Variants in TRPC4AP observed in about 807,000 individuals in gnomAD.
TRPC4AP encodes the protein short transient receptor potential channel 4-associated protein.
Under a neutral mutation model 99.0 loss-of-function variants are expected in TRPC4AP, and 45 were observed. That is an observed-to-expected ratio of 0.45 (90% CI 0.36 to 0.58). The LOEUF (loss-of-function observed/expected upper bound fraction) is 0.58. TRPC4AP is among the 20% of genes least tolerant of loss of function. The probability of loss-of-function intolerance (pLI) is 0.00; values close to 1 mark genes in which losing one functional copy is unlikely to be tolerated. For synonymous variants in TRPC4AP, 408 were observed against 385.8 expected (o/e 1.06, Z -0.67); for missense variants, 879 against 985.3 (o/e 0.89, Z 1.44).
At chr20:35,055,892 C>A (rs760415510) in intron 4 of TRPC4AP, among the ~76,000 whole-genome samples, 2 of 152,148 alleles carry the variant, frequency 1.3e-5, no homozygotes, top group African/African-American at 2.4e-5. Flanking sequence ...AGGAAAGTAG[C>A]ATAAAAACGA....
At chr20:35,062,860 A>G (rs2084042438) in intron 3 of TRPC4AP, among the ~76,000 whole-genome samples, 1 of 152,244 alleles carries the variant, frequency 6.6e-6, no homozygotes. Context: ...GACATGAATT[A>G]TATCTCAATA....
intron 1 of TRPC4AP, among the ~76,000 whole-genome samples, chr20:35,084,512 GTATA>G (rs144489126): frequency 2.1e-5 from 3 of 145,866 alleles, no homozygotes; most frequent in African/African-American, 5.2e-5. Flanking sequence ...ATGTATATAC[GTATA>G]TATGTGTATA....
chr20:35,069,180 G>C (rs2084238473), intron 3 of TRPC4AP, 116 bp downstream of exon 3: 1 of 663,596 alleles, frequency 1.5e-6, no homozygotes, highest in South Asian at 2.2e-5. Context: ...GCTTCTAAAA[G>C]TTAAAATCTG....
rs766465723 is a variant in TRPC4AP at position 35,054,987 on chromosome 20, T to C, written c.517A>G (p.Thr173Ala). The C allele has an allele frequency of 6.2e-7, 1 of 1,613,638 alleles. No homozygotes were observed. Among genetic ancestry groups the C allele is most frequent in the South Asian group, 1.1e-5 (1 of 91,014 alleles). The change falls in exon 5 of 19, where the codon ACC becomes GCC. Residue 173 changes from threonine (T) to alanine (A), a missense_variant. Physicochemically the swap from Thr to Ala is moderately conservative, Grantham distance 58. Transcript: ENST00000252015. The part of the protein sequence containing the change: ...SKDCLSILYN[T>A]CVCTEGVTKR... ...GCAGGGGTACTTACACAGACACAGG[T>C]ATTATACAGGATACTCAAGCAGTCC...
intron 8 of TRPC4AP, among the ~76,000 whole-genome samples, chr20:35,023,891 C>T (rs1344910281): frequency 2.6e-5 from 4 of 152,244 alleles, no homozygotes; most frequent in Non-Finnish European, 5.9e-5. Flanking sequence ...AAGTCACCAC[C>T]AACTTTTGGT....
chr20:35,020,591 G>A (rs1184168670), intron 9 of TRPC4AP, among the ~76,000 whole-genome samples: 3 of 152,152 alleles, frequency 2.0e-5, no homozygotes, highest in African/African-American at 7.2e-5. Flanking sequence ...GGACTGCTGA[G>A]CCTCCAGCCT....
intron 7 of TRPC4AP, among the ~76,000 whole-genome samples, chr20:35,035,524 C>T (rs899987598): frequency 6.6e-6 from 1 of 152,158 alleles, no homozygotes; most frequent in Admixed American, 6.5e-5. Context: ...GGCTTTTTAT[C>T]TACTGGGAAT....
chr20:35,041,096 C>G (rs2083436611), intron 7 of TRPC4AP, among the ~76,000 whole-genome samples: 1 of 151,044 alleles, frequency 6.6e-6, no homozygotes, highest in Non-Finnish European at 1.5e-5. Context: ...ATCCTGACAG[C>G]ACCTTGATCT....
At chr20:35,049,505 G>A (rs1037994389) in intron 6 of TRPC4AP, among the ~76,000 whole-genome samples, 4 of 152,034 alleles carry the variant, frequency 2.6e-5, no homozygotes, top group African/African-American at 9.7e-5. Context: ...GTAAGAGAAT[G>A]GAGTCACTGC....
intron 1 of TRPC4AP, among the ~76,000 whole-genome samples, chr20:35,086,511 GTGTGTGTGTATATA>G (rs2084871234): frequency 2.6e-5 from 1 of 38,232 alleles, no homozygotes; most frequent in African/African-American, 7.0e-5. Context: ...ATATATATGT[GTGTGTGTGTATATA>G]TGTGTGTGTG....
At chr20:35,072,591 T>G (rs901841145) in intron 2 of TRPC4AP, among the ~76,000 whole-genome samples, 4 of 152,224 alleles carry the variant, frequency 2.6e-5, no homozygotes, top group Non-Finnish European at 5.9e-5. Context: ...CGGACAGTTG[T>G]AGATATGCGG....
chr20:35,058,852 C>T (rs776523161), intron 3 of TRPC4AP, among the ~76,000 whole-genome samples: 4 of 151,956 alleles, frequency 2.6e-5, no homozygotes, highest in Non-Finnish European at 5.9e-5. Context: ...CCACTCCTGG[C>T]TACTTTGTGT....
chr20:35,031,022 T>C (rs1211979888), intron 8 of TRPC4AP, among the ~76,000 whole-genome samples: 1 of 152,194 alleles, frequency 6.6e-6, no homozygotes, highest in East Asian at 1.9e-4. Context: ...TCTAAGAATG[T>C]TTTTATTTCA....
intron 6 of TRPC4AP, among the ~76,000 whole-genome samples, chr20:35,048,718 G>A (rs2083619710): frequency 6.6e-6 from 1 of 152,198 alleles, no homozygotes; most frequent in Admixed American, 6.5e-5. Context: ...GGGAGTGAGA[G>A]GCAAGTGGGA....
intron 3 of TRPC4AP, among the ~76,000 whole-genome samples, chr20:35,065,192 C>T (rs2084111715): frequency 6.6e-6 from 1 of 152,206 alleles, no homozygotes; most frequent in African/African-American, 2.4e-5. Flanking sequence ...ACCTGGCCCA[C>T]AATTACTGAA....
At position 35,035,337 on chromosome 20, in the gene TRPC4AP, T is replaced by C. The variant is rs750907096; in HGVS notation, c.866-29A>G. 9 of 1,603,980 alleles carry C rather than the reference T, an allele frequency of 5.6e-6. No homozygotes were observed. The Admixed American group carries it at 1.4e-4, about 24-fold the overall frequency. On this transcript the variant is annotated intron_variant, in intron 7 of 18. Transcript: ENST00000252015. ...CCAGGGAAAGAACAAGCGAGGAAAT[T>C]TTCAAAATAGAGACCAGCAAAACTA...
At chr20:35,012,194 A>T (rs2147276046) in intron 11 of TRPC4AP, among the ~76,000 whole-genome samples, 1 of 152,348 alleles carries the variant, frequency 6.6e-6, no homozygotes, top group African/African-American at 2.4e-5. Context: ...CTCACAGAGG[A>T]TGGGTGCATA....
At chr20:35,079,069 A>C (rs930227061) in intron 1 of TRPC4AP, among the ~76,000 whole-genome samples, 1 of 152,226 alleles carries the variant, frequency 6.6e-6, no homozygotes, top group Non-Finnish European at 1.5e-5. Flanking sequence ...CTGTCTCAAA[A>C]AATAGAAAAG....
intron 3 of TRPC4AP, among the ~76,000 whole-genome samples, chr20:35,061,924 A>G (rs1342101606): frequency 6.6e-6 from 1 of 152,194 alleles, no homozygotes; most frequent in Non-Finnish European, 1.5e-5. Context: ...TTAATGGGGG[A>G]AAATATTTGC....
Sources: gnomAD v4.1 joint callset for allele counts (sites outside exome capture counted in the v4.1 genomes callset) on GRCh38, gnomAD v4.1.1 for gene constraint, MANE v1.5 for transcripts, NCBI Gene and HGNC (gene_info 2026-07-23, HGNC 2026-07-21) for gene names.